STK38: variants seen among roughly 807,000 people sequenced by gnomAD.
The protein encoded by STK38 is serine/threonine kinase 38, also known as serine/threonine-protein kinase 38.
STK38 carries 26 observed loss-of-function variants against 59.0 expected under a neutral mutation model. The observed-to-expected ratio is 0.44, with a 90% confidence interval of 0.32 to 0.61. The LOEUF (loss-of-function observed/expected upper bound fraction) is 0.61. Among genes scored for constraint, STK38 ranks in the 20% least tolerant of loss-of-function variants. STK38 has a pLI of 0.04. For synonymous variants in STK38, 175 were observed against 176.6 expected (o/e 0.99, Z 0.07); for missense variants, 433 against 566.0 (o/e 0.76, Z 2.38).
At chr6:36,530,020 C>T (rs376519688) in intron 2 of STK38, among the ~76,000 whole-genome samples, 4 of 152,132 alleles carry the variant, frequency 2.6e-5, no homozygotes, top group Admixed American at 1.3e-4. Context: ...GCTCGCACAC[C>T]GCCTGAGGCC....
chr6:36,505,174 T>C lies in STK38; in HGVS notation c.834+1409A>G, dbSNP rs147337186. 1.4e-4 allele frequency among the ~76,000 whole-genome samples: 22 copies of C among 152,284 alleles called. 2 individuals carry two copies. The East Asian group carries it at 3.9e-3, about 27-fold the overall frequency. ...TGTGGGTGGAACCTGGACATCAACA[T>C]GTTCTGAAGTTCCCCAAGTGATTTT... On this transcript the variant is annotated intron_variant, in intron 9 of 13. Coordinates refer to ENST00000229812, the MANE Select transcript of STK38 (RefSeq NM_007271.4).
intron 9 of STK38, among the ~76,000 whole-genome samples, chr6:36,505,755 C>T (rs1030198375): frequency 5.9e-5 from 9 of 152,116 alleles, no homozygotes; most frequent in Admixed American, 1.3e-4. Context: ...TTCTAATGAC[C>T]AAATGTTAGT....
At chr6:36,541,378 T>G (rs1230100816) in intron 1 of STK38, among the ~76,000 whole-genome samples, 1 of 151,956 alleles carries the variant, frequency 6.6e-6, no homozygotes, top group Non-Finnish European at 1.5e-5. Context: ...AAGACTAGCC[T>G]GGACAACATA....
chr6:36,515,302 A>G (rs1434455348), intron 7 of STK38, 36 bp downstream of exon 7: 1 of 1,606,192 alleles, frequency 6.2e-7, no homozygotes, highest in Admixed American at 1.7e-5. Flanking sequence ...TCAGATCAGT[A>G]AACGTGCATA....
At chr6:36,507,312 A>C (rs1776990539) in intron 8 of STK38, among the ~76,000 whole-genome samples, 188 bp downstream of exon 8, 1 of 151,930 alleles carries the variant, frequency 6.6e-6, no homozygotes, top group Admixed American at 6.6e-5. Flanking sequence ...GCCTTCACAC[A>C]CTTGGTACCC....
Position 36,494,724 on chromosome 6 carries a change from T to C in STK38, c.*1060A>G, listed in dbSNP as rs1350628418. On this transcript the variant is annotated 3_prime_UTR_variant, in exon 14 of 14. Coordinates refer to ENST00000229812, the MANE Select transcript of STK38 (RefSeq NM_007271.4). ...AAATACCAAGAGAGAAGACAAAACA[T>C]GGCTGTGCCAAGGACTGAGGAGTGA... 6.6e-6 allele frequency: 1 copy of C among 152,642 alleles called. No homozygotes were observed. Among genetic ancestry groups the C allele is most frequent in the Non-Finnish European group, 1.5e-5 (1 of 68,084 alleles). 9.5% of individuals were successfully genotyped at this position (152,642 alleles called of 1,614,324 possible). A position where few individuals can be genotyped will look rare whatever the true frequency, so the allele number is the denominator to read the frequency against.
At chr6:36,517,615 T>C (rs1397339605) in intron 6 of STK38, 102 bp downstream of exon 6, 2 of 1,484,324 alleles carry the variant, frequency 1.3e-6, no homozygotes, top group African/African-American at 1.4e-5. Flanking sequence ...GAAAGCAACT[T>C]TGTGAGCACA....
intron 2 of STK38, among the ~76,000 whole-genome samples, chr6:36,535,582 C>T (rs1180482417): frequency 2.0e-5 from 3 of 151,750 alleles, no homozygotes; most frequent in Non-Finnish European, 4.4e-5. Flanking sequence ...AATATAATTC[C>T]AATAGTAATT....
intron 10 of STK38, among the ~76,000 whole-genome samples, chr6:36,498,746 C>T (rs1158191974): frequency 6.6e-6 from 1 of 151,968 alleles, no homozygotes; most frequent in Admixed American, 6.6e-5. Context: ...CACCACCACA[C>T]CCAGCTGATT....
chr6:36,545,307 A>T (rs1778032781), intron 1 of STK38, among the ~76,000 whole-genome samples: 1 of 150,984 alleles, frequency 6.6e-6, no homozygotes, highest in South Asian at 2.1e-4. Flanking sequence ...AAAAAAAAAA[A>T]AAAAAAAAGA....
intron 1 of STK38, among the ~76,000 whole-genome samples, chr6:36,545,289 GAAAAAAAAAAAAAAAA>G (rs58104312): frequency 8.3e-5 from 5 of 60,522 alleles, no homozygotes; most frequent in African/African-American, 2.0e-4. Context: ...ACTCCGTCTG[GAAAAAAAAAAAAAAAA>G]AAAAAAAAAA....
chr6:36,516,173 T>A (rs1018472940), intron 6 of STK38, among the ~76,000 whole-genome samples: 1 of 152,244 alleles, frequency 6.6e-6, no homozygotes. Flanking sequence ...AAATGGACAC[T>A]AGTACCCTTT....
intron 10 of STK38, 82 bp downstream of exon 10, chr6:36,499,791 G>T: frequency 9.0e-7 from 1 of 1,109,932 alleles, no homozygotes; most frequent in Non-Finnish European, 1.4e-6. Flanking sequence ...TTAGATCACT[G>T]CCAATTGAAA....
rs2071809 is a variant in STK38 at position 36,495,850 on chromosome 6, C to T, written c.1332G>A (p.Thr444=). The T allele has an allele frequency of 0.055, 89,442 of 1,613,890 alleles. 4,639 individuals carry two copies. The highest frequency in any genetic ancestry group is 0.3 in the East Asian group (13,324 of 44,836). Reference sequence around the variant, plus strand: ...CAGTCAGGCCCTCAAAGCGCTTGTACGTGTAATTGATGAAGACCCAGTCTT... The same window carrying T: ...CAGTCAGGCCCTCAAAGCGCTTGTATGTGTAATTGATGAAGACCCAGTCTT... The part of the protein sequence containing the change: ...KNKDWVFINY[T]YKRFEGLTAR... Residue 444 remains threonine (T), a synonymous_variant, in exon 14 of 14, where the codon ACG becomes ACA. Transcript: ENST00000229812.
chr6:36,517,121 T>A (rs537485485), intron 6 of STK38, among the ~76,000 whole-genome samples: 1 of 150,196 alleles, frequency 6.7e-6, no homozygotes, highest in Non-Finnish European at 1.5e-5. Flanking sequence ...TCTTTTTTTT[T>A]CCCACCAGAG....
chr6:36,512,664 C>CT (rs1456410421), intron 7 of STK38, among the ~76,000 whole-genome samples: 1 of 151,190 alleles, frequency 6.6e-6, no homozygotes, highest in Non-Finnish European at 1.5e-5. Context: ...GGTAATCTTT[C>CT]TTCTTTTTTT....
At chr6:36,530,603 G>GAT (rs1777642581) in intron 2 of STK38, among the ~76,000 whole-genome samples, 1 of 151,930 alleles carries the variant, frequency 6.6e-6, no homozygotes, top group African/African-American at 2.4e-5. Flanking sequence ...GACCTCAAGT[G>GAT]ATCCACCCAC....
In STK38 at chr6:36,497,638, T is replaced by C. The variant is rs1273041757; in HGVS notation, c.1172+142A>G. 3 of 666,742 alleles carry C rather than the reference T, an allele frequency of 4.5e-6. No homozygotes were observed. The African/African-American group carries it at 5.5e-5, about 12-fold the overall frequency. The allele number at this position is 666,742 out of a possible 1,614,324, so 41.3% of individuals were successfully genotyped here. On this transcript the variant is annotated intron_variant, in intron 12 of 13. Transcript: ENST00000229812. ...AAAATCTAATGCCCAATCTTCACCA[T>C]GAATGAAAATCAGGAAAAGACCCTA...
intron 1 of STK38, among the ~76,000 whole-genome samples, chr6:36,544,773 G>A (rs920919904): frequency 5.3e-5 from 8 of 152,150 alleles, no homozygotes; most frequent in African/African-American, 1.9e-4. Flanking sequence ...TCAGGAGGCT[G>A]AGGTGGGAGG....
Sources: allele counts gnomAD v4.1 joint callset (sites outside exome capture counted in the v4.1 genomes callset), GRCh38; gene constraint gnomAD v4.1.1; transcripts MANE v1.5; gene names NCBI Gene and HGNC (gene_info 2026-07-23, HGNC 2026-07-21).